Variants in CEACAM19 observed in about 807,000 individuals in gnomAD.
CEACAM19 encodes CEA cell adhesion molecule 19.
A neutral mutation model predicts 37.6 loss-of-function variants in CEACAM19; 37 were observed. That is an observed-to-expected ratio of 0.98 (90% confidence interval 0.76 to 1.29). The LOEUF is 1.29. CEACAM19 is among the 50% of genes most tolerant of loss of function. CEACAM19 has a pLI of 0.00. For missense variants in CEACAM19, 340 were observed against 375.6 expected (o/e 0.91, Z 0.78); for synonymous variants, 140 against 149.8 (o/e 0.93, Z 0.48).
chr19:44,668,496 ATATATAT>A (rs1253565640), upstream of CEACAM19, among the ~76,000 whole-genome samples: 1 of 61,176 alleles, frequency 1.6e-5, no homozygotes, highest in Non-Finnish European at 2.7e-5. Flanking sequence ...TATATATATT[ATATATAT>A]TATATATTAG....
upstream of CEACAM19, chr19:44,671,469 T>C (rs1160325830): frequency 1.0e-5 from 4 of 394,348 alleles, no homozygotes; most frequent in Non-Finnish European, 1.8e-5. Context: ...CCCACCTCTG[T>C]CTATTGGCAG....
chr19:44,668,742 AATATAATATAATATAATAT>A (rs1315191228), upstream of CEACAM19, among the ~76,000 whole-genome samples: 6 of 96,668 alleles, frequency 6.2e-5, no homozygotes, highest in Non-Finnish European at 9.2e-5. Flanking sequence ...TATAATATAT[AATATAATATAATATAATAT>A]ATATAATATA....
chr19:44,680,334 G>C lies in CEACAM19; in HGVS notation c.706G>C (p.Gly236Arg). 6.2e-7 allele frequency: 1 copy of C among 1,608,996 alleles called. No individual in the cohort carries two copies. Among genetic ancestry groups the C allele is most frequent in the Non-Finnish European group, 8.5e-7 (1 of 1,178,702 alleles). Residue 236 changes from glycine (G) to arginine (R), a missense_variant and splice_region_variant, in exon 5 of 8, where the codon GGT becomes CGT. Gly to Arg is a moderately radical substitution (Grantham distance 125). Coordinates refer to ENST00000358777, the MANE Select transcript of CEACAM19 (RefSeq NM_001127893.3). ...KPELGPAHDA[G>R]DNNIYEVMPS... is the part of the protein sequence containing the mutation. ...AGAATTGGGCCCTGCTCATGATGCTGGTAAGGCGGGAGCCCCAGATCTCAC... is the reference window on the plus strand; with the variant it reads ...AGAATTGGGCCCTGCTCATGATGCTCGTAAGGCGGGAGCCCCAGATCTCAC...
rs1974054904 is a variant in CEACAM19, at chr19:44,681,305, C to T, written c.785C>T (p.Pro262Leu). 4 of 1,613,072 alleles carry T rather than the reference C, an allele frequency of 2.5e-6. No individual in the cohort carries two copies. The highest frequency in any genetic ancestry group is 3.4e-6 in the Non-Finnish European group (4 of 1,179,210). The stretch of plus-strand genomic sequence containing the variant: ...ATCAGTGACACAAGGTCCATAAACC[C>T]AGCCCGGGTGAGTCCCGTCCCCAGC... ...SPISDTRSIN[P>L]ARPLPTPPHL... is the part of the protein sequence containing the mutation. Residue 262 changes from proline (P) to leucine (L), a missense_variant, in exon 6 of 8, where the codon CCA (proline) becomes CTA (leucine). Coordinates refer to ENST00000358777, the MANE Select transcript of CEACAM19 (RefSeq NM_001127893.3).
intron 2 of CEACAM19, among the ~76,000 whole-genome samples, 175 bp downstream of exon 2, chr19:44,673,139 T>C (rs2122127135): frequency 6.6e-6 from 1 of 152,352 alleles, no homozygotes; most frequent in East Asian, 1.9e-4. Flanking sequence ...CTCACATGCA[T>C]TAACTAATAA....
chr19:44,667,941 A>C (rs1487455013), upstream of CEACAM19, among the ~76,000 whole-genome samples: 1 of 76,312 alleles, frequency 1.3e-5, no homozygotes, highest in African/African-American at 6.9e-5. Context: ...TATAAAATAT[A>C]TATAAATTAT....
chr19:44,682,010 C>T (rs1974070368), intron 6 of CEACAM19, among the ~76,000 whole-genome samples: 1 of 151,916 alleles, frequency 6.6e-6, no homozygotes. Flanking sequence ...TAAATCCCAA[C>T]ACTTTGGGAG....
At chr19:44,681,089 C>T in intron 5 of CEACAM19, 138 bp from the exon 6 acceptor site, 1 of 657,206 alleles carries the variant, frequency 1.5e-6, no homozygotes, top group Non-Finnish European at 2.7e-6. Flanking sequence ...AGCACTGTGT[C>T]CCCAGCACTG....
intron 6 of CEACAM19, 46 bp from the exon 7 acceptor site, chr19:44,682,521 G>T: frequency 6.5e-7 from 1 of 1,548,010 alleles, no homozygotes; most frequent in Non-Finnish European, 8.8e-7. Context: ...AAGTTTAGAG[G>T]GTGGGGGGTG....
chr19:44,672,944 A>C lies in CEACAM19; in HGVS notation c.404A>C (p.Lys135Thr). ...AACTCTGAATGGACTATGAAGGCCA[A>C]GACTGAGGTCCAGGTAGCTGGTAAG... The part of the protein sequence containing the change: ...TINSEWTMKA[K>T]TEVQVAEKNK... Residue 135 changes from lysine to threonine, a missense_variant, in exon 2 of 8, where the codon AAG becomes ACG. Physicochemically the swap from Lys to Thr is moderately conservative, Grantham distance 78. Transcript: ENST00000358777. 3 of 1,497,480 alleles carry C rather than the reference A, an allele frequency of 2.0e-6. No individual in the cohort carries two copies. Among genetic ancestry groups the C allele is most frequent in the Non-Finnish European group, 2.7e-6 (3 of 1,118,406 alleles). The allele number at this position is 1,497,480 out of a possible 1,614,324, so 92.8% of individuals were successfully genotyped here. A position where few individuals can be genotyped will look rare whatever the true frequency, so the allele number is the denominator to read the frequency against.
At position 44,678,767 on chromosome 19, in the gene CEACAM19, T is replaced by C; in HGVS notation, c.576-86T>C. The stretch of plus-strand genomic sequence containing the variant: ...CTTCCACCCCCTCCCCCCTCTCCAT[T>C]TTCCTTCATAGGGAAGGATGTTGCT... On this transcript the variant is annotated intron_variant, in intron 3 of 7. Transcript: ENST00000358777. The C allele has an allele frequency of 2.6e-6, 4 of 1,540,044 alleles. No homozygotes were observed. In the South Asian group the frequency reaches 4.8e-5, roughly 19 times the overall value.
Position 44,683,601 on chromosome 19 carries a change from G to T in CEACAM19, c.*111G>T, listed in dbSNP as rs62119327. The T allele has an allele frequency of 0.021, 13,101 of 624,410 alleles. 194 individuals are homozygous for T. The highest frequency in any genetic ancestry group is 0.03 in the African/African-American group (1,595 of 53,604). The allele number at this position is 624,410 out of a possible 1,614,324, so 38.7% of individuals were successfully genotyped here. On this transcript the variant is annotated 3_prime_UTR_variant, in exon 8 of 8. Coordinates refer to ENST00000358777, the MANE Select transcript of CEACAM19 (RefSeq NM_001127893.3). ...CCATTGGGGGCTGTGGGGCCGATGA[G>T]GTGGACTCAGCCAAAGACTCAGCAG...
chr19:44,668,515 TATA>T (rs1294498824), upstream of CEACAM19, among the ~76,000 whole-genome samples: 2 of 61,006 alleles, frequency 3.3e-5, no homozygotes, highest in African/African-American at 7.2e-5. Flanking sequence ...ATATATTAGT[TATA>T]ATATAAATAT....
At chr19:44,676,531 T>C in intron 3 of CEACAM19, 110 bp downstream of exon 3, 2 of 1,062,710 alleles carry the variant, frequency 1.9e-6, no homozygotes, top group Admixed American at 2.1e-5. Flanking sequence ...TCATCAAATC[T>C]TGGAACTCCT....
In CEACAM19 at chr19:44,672,383, C is replaced by G. The variant is rs1973870479; in HGVS notation, c.56-213C>G. ...CACACAGCATCTCAAGGTAGAAAAA[C>G]CTCTGGATCAACAGGATGGCAAATC... On this transcript the variant is annotated intron_variant, in intron 1 of 7. Transcript: ENST00000358777. The G allele has an allele frequency of 1.0e-5, 5 of 492,842 alleles. No individual in the cohort carries two copies. In the Admixed American group the frequency reaches 1.1e-4, roughly 11 times the overall value. The allele number at this position is 492,842 out of a possible 1,614,324, so 30.5% of individuals were successfully genotyped here. A position where few individuals can be genotyped will look rare whatever the true frequency, so the allele number is the denominator to read the frequency against.
chr19:44,680,566 A>G (rs1375705111), intron 5 of CEACAM19, among the ~76,000 whole-genome samples: 1 of 151,744 alleles, frequency 6.6e-6, no homozygotes, highest in African/African-American at 2.4e-5. Context: ...CCCATCATGC[A>G]AGTGGATCCC....
chr19:44,668,458 T>C (rs1973786323), upstream of CEACAM19, among the ~76,000 whole-genome samples: 1 of 64,712 alleles, frequency 1.5e-5, no homozygotes, highest in South Asian at 4.7e-4. Flanking sequence ...TTTTATAATA[T>C]ATAATATATA....
intron 6 of CEACAM19, 43 bp from the exon 7 acceptor site, chr19:44,682,524 G>A (rs1423936417): frequency 1.9e-6 from 3 of 1,542,662 alleles, no homozygotes; most frequent in African/African-American, 1.4e-5. Context: ...TTTAGAGGGT[G>A]GGGGGTGCCG....
At position 44,682,630 on chromosome 19, in the gene CEACAM19, T is replaced by A. The variant is rs1974082229; in HGVS notation, c.846+10T>A. On this transcript the variant is annotated intron_variant, in intron 7 of 7. Transcript: ENST00000358777. The stretch of plus-strand genomic sequence containing the variant: ...GAACCACCAGTACCAGGTATGGAGC[T>A]GGGAGCTGGGAGGGGTGGTGGGGAT... 6.3e-7 allele frequency: 1 copy of A among 1,594,610 alleles called. No individual in the cohort carries two copies. Among genetic ancestry groups the A allele is most frequent in the African/African-American group, 1.3e-5 (1 of 74,340 alleles).
Sources: gnomAD v4.1 joint callset for allele counts (sites outside exome capture counted in the v4.1 genomes callset) on GRCh38, gnomAD v4.1.1 for gene constraint, MANE v1.5 for transcripts, NCBI Gene and HGNC (gene_info 2026-07-23, HGNC 2026-07-21) for gene names.